The following GPC3 variants were observed in gnomAD, a reference collection of about 807,000 sequenced individuals.
GPC3 encodes the protein glypican-3.
Under a neutral mutation model 34.4 loss-of-function variants are expected in GPC3, and 3 were observed. The ratio of observed to expected loss-of-function variants is 0.09; its 90% CI spans 0.04 to 0.23. GPC3 has a LOEUF of 0.23. GPC3 is among the 10% of genes least tolerant of loss of function. The pLI is 1.00. For missense variants in GPC3, 351 were observed against 445.6 expected (o/e 0.79, Z 1.91); for synonymous variants, 177 against 174.0 (o/e 1.02, Z -0.13).
intron 2 of GPC3, among the ~76,000 whole-genome samples, chrX:133,894,934 T>C (rs2076105226): frequency 8.9e-6 from 1 of 112,547 alleles, no homozygotes. Flanking sequence ...CAAAAGCATC[T>C]ATTTGTTTAC....
chrX:133,918,708 TA>T (rs751008360), intron 2 of GPC3, among the ~76,000 whole-genome samples: 6 of 112,020 alleles, frequency 5.4e-5, no homozygotes, highest in Non-Finnish European at 1.1e-4. Flanking sequence ...AGCAAGGAGT[TA>T]AATACCAGAG....
At chrX:133,817,360 G>T (rs997623400) in intron 2 of GPC3, among the ~76,000 whole-genome samples, 1 of 112,191 alleles carries the variant, frequency 8.9e-6, no homozygotes, top group Non-Finnish European at 1.9e-5. Context: ...TGAAAAATTG[G>T]CAGGAGTTCT....
chrX:133,724,904 T>C (rs1419655639), intron 3 of GPC3, among the ~76,000 whole-genome samples: 3 of 111,868 alleles, frequency 2.7e-5, no homozygotes, highest in Non-Finnish European at 5.6e-5. Flanking sequence ...ACAGTCTTCA[T>C]AATTGAGCAT....
At chrX:133,820,866 GT>G (rs766852600) in intron 2 of GPC3, among the ~76,000 whole-genome samples, 1 of 111,971 alleles carries the variant, frequency 8.9e-6, no homozygotes, top group Non-Finnish European at 1.9e-5. Flanking sequence ...CAAATAGCTG[GT>G]AGATGGGAGA....
At chrX:133,877,175 T>C (rs952024667) in intron 2 of GPC3, among the ~76,000 whole-genome samples, 8 of 111,622 alleles carry the variant, frequency 7.2e-5, no homozygotes, top group African/African-American at 2.3e-4. Flanking sequence ...CTTTGGGAAG[T>C]GAGTCCTCAC....
intron 6 of GPC3, among the ~76,000 whole-genome samples, chrX:133,641,372 A>C (rs889488953): frequency 2.7e-5 from 3 of 109,250 alleles, no homozygotes; most frequent in Non-Finnish European, 5.7e-5. Flanking sequence ...GCTACTCGAG[A>C]GGCTGAGGTG....
chrX:133,826,132 G>A (rs929549658), intron 2 of GPC3, among the ~76,000 whole-genome samples: 10 of 111,524 alleles, frequency 9.0e-5, no homozygotes, highest in African/African-American at 2.3e-4. Flanking sequence ...CAAAAGACAC[G>A]CAAAGAAACA....
rs760027818 is a variant in GPC3, at chrX:133,954,150, CGTT to C, written c.176-942_176-940del. 3.6e-5 allele frequency among the ~76,000 whole-genome samples: 4 copies of C among 111,070 alleles called. No individual in the cohort carries two copies. The South Asian group carries it at 1.5e-3, about 43-fold the overall frequency. On this transcript the variant is annotated intron_variant, in intron 1 of 7. Transcript: ENST00000370818. ...CTAGAGTGACAGAAAGCAGTTCAGT[CGTT>C]GTTAAGGGAGATGGTGGGCAGGAGG...
chrX:133,754,690 C>A (rs765198356), intron 2 of GPC3, among the ~76,000 whole-genome samples: 51 of 112,126 alleles, frequency 4.5e-4, no homozygotes, highest in African/African-American at 1.7e-3. Context: ...TAAAAGCTAT[C>A]ACGAATTTAA....
intron 6 of GPC3, among the ~76,000 whole-genome samples, chrX:133,626,216 A>G (rs2070296875): frequency 8.9e-6 from 1 of 112,146 alleles, no homozygotes; most frequent in Non-Finnish European, 1.9e-5. Context: ...AAAACCCTAG[A>G]AGAAAACCTA....
chrX:133,545,973 C>CTT (rs1487341348), intron 7 of GPC3, among the ~76,000 whole-genome samples: 1 of 110,837 alleles, frequency 9.0e-6, no homozygotes, highest in African/African-American at 3.3e-5. Flanking sequence ...GAGCGAGACT[C>CTT]TGTCTCATAA....
At chrX:133,631,548 T>G in intron 6 of GPC3, among the ~76,000 whole-genome samples, 1 of 112,350 alleles carries the variant, frequency 8.9e-6, no homozygotes, top group Non-Finnish European at 1.9e-5. Flanking sequence ...TTGGCTATTA[T>G]GAATAATGCT....
At chrX:133,763,883 G>A (rs1211467806) in intron 2 of GPC3, among the ~76,000 whole-genome samples, 2 of 112,026 alleles carry the variant, frequency 1.8e-5, no homozygotes. Flanking sequence ...AGAACTAAGA[G>A]TTGAACTACC....
chrX:133,592,886 G>A (rs1392365632), intron 7 of GPC3, among the ~76,000 whole-genome samples: 1 of 112,088 alleles, frequency 8.9e-6, no homozygotes, highest in South Asian at 3.7e-4. Context: ...CCCAGATCAT[G>A]CTTGCTCATA....
At chrX:133,794,363 A>G (rs2075566193) in intron 2 of GPC3, among the ~76,000 whole-genome samples, 1 of 112,125 alleles carries the variant, frequency 8.9e-6, no homozygotes, top group African/African-American at 3.2e-5. Flanking sequence ...TAAGTGCTTG[A>G]GAATGTCCCT....
chrX:133,949,957 T>C (rs931201832), intron 2 of GPC3, among the ~76,000 whole-genome samples: 5 of 111,986 alleles, frequency 4.5e-5, no homozygotes, highest in Non-Finnish European at 9.4e-5. Flanking sequence ...ACAGACCTCA[T>C]AGGGCTGTTG....
rs186387433 is a variant in GPC3, at chrX:133,810,874, A to G, written c.338-56698T>C. ...AAGACTCCGTCTCAAAAAAAAAAAA[A>G]AAAAAAGAAAGAGGCCTGGCCTAGA... On this transcript the variant is annotated intron_variant, in intron 2 of 7. Coordinates refer to ENST00000370818, the MANE Select transcript of GPC3 (RefSeq NM_004484.4). Among the ~76,000 whole-genome samples, 894 of 108,455 alleles carry G rather than the reference A, an allele frequency of 8.2e-3. 13 individuals are homozygous for G. The highest frequency in any genetic ancestry group is 0.028 in the African/African-American group (847 of 29,871). The allele number at this position is 108,455 out of a possible 115,157, so 94.2% of individuals were successfully genotyped here.
chrX:133,645,627 C>T (rs763747004), intron 6 of GPC3, among the ~76,000 whole-genome samples: 2 of 110,933 alleles, frequency 1.8e-5, no homozygotes, highest in African/African-American at 6.6e-5. Context: ...GAAGGGAGCA[C>T]ATAGCAAACA....
chrX:133,596,294 G>C (rs1053495215), intron 7 of GPC3, 146 bp downstream of exon 7: 20 of 552,604 alleles, frequency 3.6e-5, no homozygotes, highest in Non-Finnish European at 5.3e-5. Flanking sequence ...TCACTTTCTA[G>C]AGCTTGTATA....
Sources: gnomAD v4.1 joint callset for allele counts (sites outside exome capture counted in the v4.1 genomes callset) on GRCh38, gnomAD v4.1.1 for gene constraint, MANE v1.5 for transcripts, NCBI Gene and HGNC (gene_info 2026-07-23, HGNC 2026-07-21) for gene names.